The following SPAG16 variants were observed in gnomAD, a reference collection of about 807,000 sequenced individuals.
The protein encoded by SPAG16 is sperm-associated antigen 16 protein.
Under a neutral mutation model 80.4 loss-of-function variants are expected in SPAG16, and 86 were observed. The observed-to-expected ratio is 1.07, with a 90% CI of 0.90 to 1.28. The LOEUF (loss-of-function observed/expected upper bound fraction) is 1.28. Ranked by LOEUF, SPAG16 falls within the 50% of genes most tolerant of loss-of-function variation. SPAG16 has a pLI of 0.00. For missense variants in SPAG16, 870 were observed against 765.3 expected, an observed-to-expected ratio of 1.14 and a Z score of -1.61; for synonymous variants, 294 against 265.9, an observed-to-expected ratio of 1.11 and a Z score of -1.03.
chr2:214,389,176 A>G (rs1002015893), intron 15 of SPAG16, among the ~76,000 whole-genome samples: 1 of 152,234 alleles, frequency 6.6e-6, no homozygotes, highest in African/African-American at 2.4e-5. Context: ...ATATATCTCA[A>G]AACATCCATG....
At chr2:213,944,614 A>G (rs2079359398) in intron 12 of SPAG16, among the ~76,000 whole-genome samples, 1 of 152,200 alleles carries the variant, frequency 6.6e-6, no homozygotes, top group African/African-American at 2.4e-5. Flanking sequence ...GAGACTAGGT[A>G]AAACATTTCT....
chr2:214,359,660 G>A (rs146449221), intron 15 of SPAG16, among the ~76,000 whole-genome samples: 1 of 151,950 alleles, frequency 6.6e-6, no homozygotes, highest in East Asian at 1.9e-4. Flanking sequence ...AACATAAAGT[G>A]TAGGTTAAAT....
chr2:213,737,678 C>T (rs1574989812), intron 10 of SPAG16, among the ~76,000 whole-genome samples: 1 of 151,936 alleles, frequency 6.6e-6, no homozygotes. Flanking sequence ...TTAGTAGAGA[C>T]GGGGTTTCAT....
chr2:213,626,316 A>G (rs2061959363), intron 10 of SPAG16, among the ~76,000 whole-genome samples: 1 of 152,166 alleles, frequency 6.6e-6, no homozygotes, highest in Non-Finnish European at 1.5e-5. Context: ...AGGAAAAGAT[A>G]TGAGTTCCAA....
At chr2:213,620,584 G>A (rs994961300) in intron 10 of SPAG16, among the ~76,000 whole-genome samples, 2 of 151,894 alleles carry the variant, frequency 1.3e-5, no homozygotes, top group South Asian at 2.1e-4. Flanking sequence ...GAGCCACTGC[G>A]CCTGGCTGTA....
chr2:214,370,488 G>A (rs939579515), intron 15 of SPAG16, among the ~76,000 whole-genome samples: 2 of 152,054 alleles, frequency 1.3e-5, no homozygotes, highest in Non-Finnish European at 2.9e-5. Flanking sequence ...ACAATGTGAT[G>A]TCTTGATATA....
chr2:214,021,361 C>T (rs1354171541), intron 13 of SPAG16, among the ~76,000 whole-genome samples: 1 of 152,178 alleles, frequency 6.6e-6, no homozygotes, highest in Non-Finnish European at 1.5e-5. Context: ...CTCACAGTTT[C>T]AGGTGGCTGA....
chr2:213,793,935 G>A (rs2070862131), intron 10 of SPAG16, among the ~76,000 whole-genome samples: 1 of 152,098 alleles, frequency 6.6e-6, no homozygotes, highest in South Asian at 2.1e-4. Context: ...GATGTCTTAG[G>A]TTGATTTCCT....
At chr2:214,076,561 GTGTGTT>G (rs1017274742) in intron 13 of SPAG16, among the ~76,000 whole-genome samples, 1 of 148,754 alleles carries the variant, frequency 6.7e-6, no homozygotes, top group African/African-American at 2.5e-5. Flanking sequence ...GTGTGTGTGT[GTGTGTT>G]TGTGTTGAGA....
chr2:213,731,501 G>C (rs1176229320), intron 10 of SPAG16, among the ~76,000 whole-genome samples: 1 of 151,340 alleles, frequency 6.6e-6, no homozygotes, highest in Non-Finnish European at 1.5e-5. Flanking sequence ...TAAGTTCAGG[G>C]GTACATGTGC....
chr2:213,733,182 A>G (rs927661585), intron 10 of SPAG16, among the ~76,000 whole-genome samples: 1 of 151,194 alleles, frequency 6.6e-6, no homozygotes, highest in Non-Finnish European at 1.5e-5. Context: ...CTGTTCATGT[A>G]AAGGGTTCAT....
intron 10 of SPAG16, among the ~76,000 whole-genome samples, chr2:213,620,429 A>T (rs923798612): frequency 1.3e-5 from 2 of 151,434 alleles, no homozygotes; most frequent in Non-Finnish European, 2.9e-5. Context: ...AGTAGCTGGG[A>T]CTACAGGCAC....
At chr2:214,212,068 A>T (rs983705128) in intron 15 of SPAG16, among the ~76,000 whole-genome samples, 1 of 152,154 alleles carries the variant, frequency 6.6e-6, no homozygotes, top group African/African-American at 2.4e-5. Context: ...CAAATTATGT[A>T]TGTAATTTCT....
intron 14 of SPAG16, among the ~76,000 whole-genome samples, chr2:214,126,430 G>A (rs2054501246): frequency 6.6e-6 from 1 of 151,550 alleles, no homozygotes; most frequent in Non-Finnish European, 1.5e-5. Flanking sequence ...CGTGTTCTGA[G>A]CTCCAACAGT....
intron 11 of SPAG16, among the ~76,000 whole-genome samples, chr2:213,928,490 T>C (rs1203568249): frequency 1.3e-5 from 2 of 152,154 alleles, no homozygotes; most frequent in Non-Finnish European, 2.9e-5. Flanking sequence ...TGGTGGCTGT[T>C]TCTACGCTGC....
At chr2:213,718,742 G>A (rs1341462078) in intron 10 of SPAG16, among the ~76,000 whole-genome samples, 5 of 152,204 alleles carry the variant, frequency 3.3e-5, no homozygotes, top group African/African-American at 1.2e-4. Context: ...GCAGGGCTCG[G>A]GACCTGCAGC....
chr2:214,212,814 T>C (rs1029259446), intron 15 of SPAG16, among the ~76,000 whole-genome samples: 4 of 152,234 alleles, frequency 2.6e-5, no homozygotes, highest in African/African-American at 9.6e-5. Context: ...CCCTAACTAA[T>C]AGCCAGTTGA....
intron 11 of SPAG16, among the ~76,000 whole-genome samples, chr2:213,865,440 C>A (rs192857347): frequency 6.6e-6 from 1 of 151,272 alleles, no homozygotes; most frequent in Non-Finnish European, 1.5e-5. Context: ...ACAACACTTA[C>A]GAAGTTTATG....
intron 12 of SPAG16, among the ~76,000 whole-genome samples, chr2:213,985,443 G>C (rs966452368): frequency 2.6e-5 from 4 of 152,036 alleles, no homozygotes; most frequent in African/African-American, 9.7e-5. Context: ...AAACCATTCT[G>C]ACATTCAAAT....
Sources: gnomAD v4.1 joint callset for allele counts (sites outside exome capture counted in the v4.1 genomes callset) on GRCh38, gnomAD v4.1.1 for gene constraint, MANE v1.5 for transcripts, NCBI Gene and HGNC (gene_info 2026-07-23, HGNC 2026-07-21) for gene names.